Variants in MAML3 observed in about 807,000 individuals in gnomAD.
The protein encoded by MAML3 is mastermind-like protein 3.
Under a neutral mutation model 101.9 loss-of-function variants are expected in MAML3, and 27 were observed. The ratio of observed to expected loss-of-function variants is 0.27; its 90% CI spans 0.20 to 0.37. The LOEUF (loss-of-function observed/expected upper bound fraction) is 0.37. Among genes scored for constraint, MAML3 ranks in the 10% least tolerant of loss-of-function variants. The pLI, the probability that MAML3 is intolerant of heterozygous loss-of-function variation, is 1.00. For missense variants in MAML3, 1,316 were observed against 1,444.9 expected (o/e 0.91, Z 1.45); for synonymous variants, 501 against 555.9 (o/e 0.90, Z 1.39).
At chr4:140,118,350 C>T (rs1003969250) in intron 1 of MAML3, among the ~76,000 whole-genome samples, 1 of 152,048 alleles carries the variant, frequency 6.6e-6, no homozygotes, top group Non-Finnish European at 1.5e-5. Context: ...ACACCTATCT[C>T]ATTAGGTTGA....
intron 3 of MAML3, among the ~76,000 whole-genome samples, chr4:139,726,851 G>A (rs763822698): frequency 5.9e-5 from 9 of 152,196 alleles, no homozygotes; most frequent in Non-Finnish European, 1.3e-4. Context: ...CATGCTGTAT[G>A]TGCAAAGGGA....
At chr4:140,116,086 A>T (rs1358359117) in intron 1 of MAML3, among the ~76,000 whole-genome samples, 1 of 152,166 alleles carries the variant, frequency 6.6e-6, no homozygotes, top group Non-Finnish European at 1.5e-5. Context: ...CCTTTTTTAA[A>T]AAAGATTATT....
At position 140,002,371 on chromosome 4, in the gene MAML3, T is replaced by C. The variant is rs77378423; in HGVS notation, c.469-111404A>G. 6.6e-3 allele frequency among the ~76,000 whole-genome samples: 1,005 copies of C among 152,326 alleles called. 13 individuals are homozygous for C. The highest frequency in any genetic ancestry group is 0.023 in the African/African-American group (958 of 41,558). On this transcript the variant is annotated intron_variant, in intron 1 of 4. Transcript: ENST00000509479. ...CTACCTGATGTCTGCCCTGTTTAAC[T>C]TATAATTACATTTTGAATAGATGTA...
intron 2 of MAML3, among the ~76,000 whole-genome samples, chr4:139,872,798 C>A (rs905464827): frequency 2.6e-5 from 4 of 152,032 alleles, no homozygotes; most frequent in African/African-American, 7.3e-5. Flanking sequence ...AATCACACGG[C>A]CGGGCACAGT....
At chr4:139,826,647 C>T (rs1731065717) in intron 2 of MAML3, among the ~76,000 whole-genome samples, 2 of 152,170 alleles carry the variant, frequency 1.3e-5, no homozygotes, top group African/African-American at 4.8e-5. Context: ...CAGAGGCTCC[C>T]TGAGTGTAAC....
intron 1 of MAML3, among the ~76,000 whole-genome samples, chr4:139,898,865 C>T (rs1050192581): frequency 3.9e-5 from 6 of 152,144 alleles, no homozygotes; most frequent in South Asian, 2.1e-4. Context: ...AGGAAGAGTG[C>T]GCAAAACATT....
At chr4:139,796,568 C>T (rs1399692512) in intron 2 of MAML3, among the ~76,000 whole-genome samples, 2 of 152,254 alleles carry the variant, frequency 1.3e-5, no homozygotes, top group East Asian at 1.9e-4. Context: ...CTTGTGGCTC[C>T]ACCCTCAGAA....
intron 2 of MAML3, among the ~76,000 whole-genome samples, chr4:139,771,973 C>T (rs551181377): frequency 2.3e-4 from 35 of 150,676 alleles, no homozygotes; most frequent in East Asian, 5.9e-4. Context: ...GGCGCGGTGG[C>T]TCACGCCTGT....
intron 1 of MAML3, among the ~76,000 whole-genome samples, chr4:139,956,333 TG>T (rs1351185342): frequency 6.6e-6 from 1 of 152,212 alleles, no homozygotes; most frequent in Admixed American, 6.5e-5. Flanking sequence ...ACTGCTTCTT[TG>T]GGGTCAGTTA....
At chr4:139,841,136 T>C (rs986955016) in intron 2 of MAML3, among the ~76,000 whole-genome samples, 1 of 152,190 alleles carries the variant, frequency 6.6e-6, no homozygotes, top group Admixed American at 6.5e-5. Context: ...TACTCATACA[T>C]AGGGAGGCAA....
chr4:139,822,222 CCAT>C (rs1175477100), intron 2 of MAML3, among the ~76,000 whole-genome samples: 52 of 141,790 alleles, frequency 3.7e-4, no homozygotes, highest in African/African-American at 9.1e-4. Flanking sequence ...ATCATTATCA[CCAT>C]CACCACCACC....
chr4:139,837,730 G>A (rs940348661), intron 2 of MAML3, among the ~76,000 whole-genome samples: 3 of 151,998 alleles, frequency 2.0e-5, no homozygotes, highest in Admixed American at 6.6e-5. Context: ...GAGCAGACTG[G>A]CCAACATGGT....
chr4:140,089,256 A>G (rs1246639463), intron 1 of MAML3, among the ~76,000 whole-genome samples: 1 of 152,182 alleles, frequency 6.6e-6, no homozygotes, highest in Admixed American at 6.5e-5. Flanking sequence ...TCCTTCCAAA[A>G]TTGTTATTAT....
At chr4:140,079,706 C>T (rs774241913) in intron 1 of MAML3, among the ~76,000 whole-genome samples, 1 of 152,178 alleles carries the variant, frequency 6.6e-6, no homozygotes, top group South Asian at 2.1e-4. Context: ...CAAGGTCTAA[C>T]CATATATAAG....
At chr4:139,975,912 A>C (rs1489970634) in intron 1 of MAML3, among the ~76,000 whole-genome samples, 1 of 152,248 alleles carries the variant, frequency 6.6e-6, no homozygotes, top group Non-Finnish European at 1.5e-5. Flanking sequence ...AAATATATTC[A>C]CCATGGGAAT....
At chr4:139,902,696 G>T (rs935616801) in intron 1 of MAML3, among the ~76,000 whole-genome samples, 1 of 152,136 alleles carries the variant, frequency 6.6e-6, no homozygotes, top group African/African-American at 2.4e-5. Flanking sequence ...CATCTGTGGG[G>T]CAAAGCGGCT....
chr4:139,927,789 C>CT (rs760374976), intron 1 of MAML3, among the ~76,000 whole-genome samples: 125 of 152,290 alleles, frequency 8.2e-4, no homozygotes, highest in Non-Finnish European at 1.3e-3. Context: ...AAGCCCATGT[C>CT]TTTTTTCTGT....
intron 1 of MAML3, among the ~76,000 whole-genome samples, chr4:139,963,945 A>G (rs1023025718): frequency 3.3e-5 from 5 of 152,222 alleles, no homozygotes. Flanking sequence ...CTTGACAACA[A>G]TATGATTCAT....
At chr4:139,741,330 C>T (rs571917563) in intron 2 of MAML3, among the ~76,000 whole-genome samples, 2 of 152,270 alleles carry the variant, frequency 1.3e-5, no homozygotes, top group East Asian at 3.9e-4. Context: ...ACCACCTGAC[C>T]CTGGGCCTTG....
Sources: gnomAD v4.1 joint callset for allele counts (sites outside exome capture counted in the v4.1 genomes callset) on GRCh38, gnomAD v4.1.1 for gene constraint, MANE v1.5 for transcripts, NCBI Gene and HGNC (gene_info 2026-07-23, HGNC 2026-07-21) for gene names.